TMPRSS9: variants seen among roughly 807,000 people sequenced by gnomAD.
The protein encoded by TMPRSS9 is transmembrane serine protease 9, also known as transmembrane protease serine 9.
A neutral mutation model predicts 111.4 loss-of-function variants in TMPRSS9; 113 were observed. The ratio of observed to expected loss-of-function variants is 1.01; its 90% CI spans 0.87 to 1.19. The LOEUF is 1.19. Among genes scored for constraint, TMPRSS9 ranks in the 50% most tolerant of loss-of-function variants. The probability of loss-of-function intolerance (pLI) is 0.00; values close to 1 mark genes in which losing one functional copy is unlikely to be tolerated. For synonymous variants in TMPRSS9, 805 were observed against 659.1 expected (o/e 1.22, Z -3.39); for missense variants, 1,803 against 1,513.1 (o/e 1.19, Z -3.18).
intron 8 of TMPRSS9, 51 bp downstream of exon 9, chr19:2,408,681 A>G (rs1301880923): frequency 1.3e-6 from 2 of 1,575,004 alleles, no homozygotes; most frequent in East Asian, 4.5e-5. Context: ...AGGCGGGCAA[A>G]TAACGCAGAA....
chr19:2,368,938 C>A (rs1391553392), intron 1 of TMPRSS9, among the ~76,000 whole-genome samples: 6 of 149,562 alleles, frequency 4.0e-5, no homozygotes, highest in Admixed American at 6.8e-5. Flanking sequence ...GTGTACGCCA[C>A]CATGCCCGGC....
chr19:2,425,448 C>T (rs753396406), exon 17 of TMPRSS9: 1 of 1,592,260 alleles, frequency 6.3e-7, no homozygotes. Flanking sequence ...TCAGCAGCCG[C>T]ATGCTGTGTG....
intron 1 of TMPRSS9, among the ~76,000 whole-genome samples, chr19:2,377,784 C>G (rs1016721862): frequency 6.0e-5 from 8 of 133,958 alleles, no homozygotes; most frequent in Admixed American, 4.8e-4. Context: ...GTGATCATAA[C>G]TCACTGCAGC....
chr19:2,369,262 A>C (rs74176392), intron 1 of TMPRSS9, among the ~76,000 whole-genome samples: 5 of 71,488 alleles, frequency 7.0e-5, no homozygotes. Flanking sequence ...GGTTTTAAAA[A>C]AAATTTTTTT....
exon 12 of TMPRSS9, chr19:2,416,602 C>T (rs1971238428): frequency 6.2e-7 from 1 of 1,612,538 alleles, no homozygotes; most frequent in South Asian, 1.1e-5. Flanking sequence ...GGGCGGGAGC[C>T]CGGTGAAGAT....
intron 5 of TMPRSS9, among the ~76,000 whole-genome samples, chr19:2,402,509 G>A (rs905720274): frequency 2.0e-5 from 3 of 152,058 alleles, no homozygotes; most frequent in African/African-American, 4.8e-5. Flanking sequence ...GGAGGCCGAG[G>A]TGGGTGGATC....
At chr19:2,422,441 C>T (rs886282379) in intron 14 of TMPRSS9, among the ~76,000 whole-genome samples, 194 bp downstream of exon 15, 3 of 152,014 alleles carry the variant, frequency 2.0e-5, no homozygotes, top group East Asian at 3.9e-4. Context: ...ATTAGCCAGG[C>T]GTGGTGGTGG....
At chr19:2,382,060 C>T (rs1000070574) in intron 1 of TMPRSS9, among the ~76,000 whole-genome samples, 3 of 151,894 alleles carry the variant, frequency 2.0e-5, no homozygotes, top group Admixed American at 6.6e-5. Flanking sequence ...AGGCTGGTCT[C>T]GAACTCCTGA....
At chr19:2,391,902 G>A (rs970417230) in intron 1 of TMPRSS9, among the ~76,000 whole-genome samples, 12 of 151,796 alleles carry the variant, frequency 7.9e-5, no homozygotes, top group African/African-American at 1.5e-4. Context: ...CCACTACGCC[G>A]AGCTAATTTT....
chr19:2,395,452 G>T (rs1249857543), intron 1 of TMPRSS9, among the ~76,000 whole-genome samples: 2 of 151,736 alleles, frequency 1.3e-5, no homozygotes, highest in Admixed American at 1.3e-4. Context: ...AAGGCCGGGC[G>T]CGGTGGCTCA....
intron 7 of TMPRSS9, among the ~76,000 whole-genome samples, 172 bp downstream of exon 8, chr19:2,405,717 T>A: frequency 6.6e-6 from 1 of 151,568 alleles, no homozygotes. Flanking sequence ...TTTTTTTTTT[T>A]TTTTTTGAGA....
chr19:2,395,419 T>G (rs1166835340), intron 1 of TMPRSS9, among the ~76,000 whole-genome samples: 1 of 147,518 alleles, frequency 6.8e-6, no homozygotes, highest in South Asian at 2.1e-4. Flanking sequence ...GGTGACAGAG[T>G]GAGACCCTAT....
chr19:2,375,448 A>C (rs1370911645), intron 1 of TMPRSS9, among the ~76,000 whole-genome samples: 1 of 132,460 alleles, frequency 7.5e-6, no homozygotes, highest in African/African-American at 3.2e-5. Context: ...TGTGATTGCC[A>C]GGTCAGGGTC....
intron 1 of TMPRSS9, among the ~76,000 whole-genome samples, chr19:2,384,296 C>T (rs1282615035): frequency 6.6e-6 from 1 of 152,186 alleles, no homozygotes; most frequent in East Asian, 1.9e-4. Context: ...GATCCCCCAC[C>T]CTCTGCAGAG....
At chr19:2,397,526 C>T (rs1244257250) in intron 2 of TMPRSS9, among the ~76,000 whole-genome samples, 1 of 152,098 alleles carries the variant, frequency 6.6e-6, no homozygotes, top group Non-Finnish European at 1.5e-5. Flanking sequence ...GGCTTGGACA[C>T]AGGACACAGC....
At chr19:2,408,303 C>G in intron 7 of TMPRSS9, 53 bp from the exon 9 acceptor site, 2 of 1,581,994 alleles carry the variant, frequency 1.3e-6, no homozygotes, top group Non-Finnish European at 1.7e-6. Flanking sequence ...CCGTCTGCCT[C>G]CCCCGACGGC....
chr19:2,399,450 C>T (rs1027970367), intron 4 of TMPRSS9, among the ~76,000 whole-genome samples: 3 of 152,116 alleles, frequency 2.0e-5, no homozygotes, highest in Non-Finnish European at 4.4e-5. Flanking sequence ...GTGGTGTGCA[C>T]CTGTAATCCT....
At chr19:2,411,850 C>A (rs1272636561) in intron 9 of TMPRSS9, among the ~76,000 whole-genome samples, 1 of 152,170 alleles carries the variant, frequency 6.6e-6, no homozygotes, top group Non-Finnish European at 1.5e-5. Flanking sequence ...CCAGGCCCGG[C>A]CGACAATTAT....
intron 1 of TMPRSS9, among the ~76,000 whole-genome samples, chr19:2,363,496 T>C (rs1295402409): frequency 7.9e-6 from 1 of 126,300 alleles, no homozygotes; most frequent in African/African-American, 3.1e-5. Context: ...AGATTTGAGG[T>C]AGGAGCAGTT....
Sources: gnomAD v4.1 joint callset for allele counts (sites outside exome capture counted in the v4.1 genomes callset) on GRCh38, gnomAD v4.1.1 for gene constraint, MANE v1.5 for transcripts, NCBI Gene and HGNC (gene_info 2026-07-23, HGNC 2026-07-21) for gene names.